PMPCB: variants seen among roughly 807,000 people sequenced by gnomAD.
PMPCB encodes the protein mitochondrial-processing peptidase subunit beta.
Under a neutral mutation model 61.5 loss-of-function variants are expected in PMPCB, and 46 were observed. The observed-to-expected ratio is 0.75, with a 90% confidence interval of 0.59 to 0.96. PMPCB has a LOEUF of 0.96. Among genes scored for constraint, PMPCB ranks in the 40% least tolerant of loss-of-function variants. PMPCB has a pLI of 0.00. For missense variants in PMPCB, 590 were observed against 602.4 expected (o/e 0.98, Z 0.22); for synonymous variants, 191 against 201.6 (o/e 0.95, Z 0.44).
chr7:103,312,801 A>G lies in PMPCB; in HGVS notation c.*530A>G. ...GCCTAGAAAGTTTCTAAGGTTGCTC[A>G]TTTCTTCCTCATAATATTGACCCCA... On this transcript the variant is annotated 3_prime_UTR_variant, in exon 13 of 13. Transcript: ENST00000249269. 9.9e-6 allele frequency: 15 copies of G among 1,512,054 alleles called. No individual in the cohort carries two copies. Among genetic ancestry groups the G allele is most frequent in the Non-Finnish European group, 1.2e-5 (14 of 1,138,132 alleles). 93.7% of individuals were successfully genotyped at this position (1,512,054 alleles called of 1,614,324 possible). A position where few individuals can be genotyped will look rare whatever the true frequency, so the allele number is the denominator to read the frequency against.
downstream of PMPCB, chr7:103,315,904 A>T: frequency 6.4e-7 from 1 of 1,554,732 alleles, no homozygotes; most frequent in Non-Finnish European, 8.8e-7. Context: ...TACTTAACAG[A>T]TCATCATTTA....
rs1017559937 is a variant in PMPCB, at chr7:103,311,310, A to C, written c.1155-333A>C. 13 of 259,742 alleles carry C rather than the reference A, an allele frequency of 5.0e-5. 1 individual carries two copies. The highest frequency in any genetic ancestry group is 8.7e-5 in the Non-Finnish European group (12 of 138,296). The allele number at this position is 259,742 out of a possible 1,614,324, so 16.1% of individuals were successfully genotyped here. ...GTTAGACTCTACTCATTGTTTTCAG[A>C]AACCAATGAATGACCCACTGACTTA... On this transcript the variant is annotated intron_variant, in intron 9 of 12. Coordinates refer to ENST00000249269, the MANE Select transcript of PMPCB (RefSeq NM_004279.3).
chr7:103,344,549 G>A, the PMPCB span: 2 of 1,613,680 alleles, frequency 1.2e-6, no homozygotes, highest in South Asian at 1.1e-5. Context: ...GAGGTTGGGT[G>A]GGCACTTACC....
intron 12 of PMPCB, among the ~76,000 whole-genome samples, chr7:103,328,525 G>A (rs1193463932): frequency 2.6e-5 from 4 of 151,992 alleles, no homozygotes; most frequent in Non-Finnish European, 4.4e-5. Flanking sequence ...CAGCTACTCA[G>A]GTGGCTCAGA....
chr7:103,344,660 A>C, the PMPCB span: 3 of 1,600,110 alleles, frequency 1.9e-6, no homozygotes, highest in East Asian at 6.7e-5. Flanking sequence ...GCAGCGGCTC[A>C]CGTCCCGGGC....
At chr7:103,340,628 C>T in the PMPCB span, among the ~76,000 whole-genome samples, 3 of 152,172 alleles carry the variant, frequency 2.0e-5, no homozygotes, top group Admixed American at 2.0e-4. Context: ...GGTCGAAGTG[C>T]ACCAAATGGC....
At chr7:103,337,369 A>T in the PMPCB span, 1 of 151,844 alleles carries the variant, frequency 6.6e-6, no homozygotes, top group Non-Finnish European at 1.4e-5. Context: ...AAAATAACGT[A>T]AAAAAAAAAC....
chr7:103,332,888 T>G (rs1266814970), downstream of PMPCB, among the ~76,000 whole-genome samples: 2 of 152,204 alleles, frequency 1.3e-5, no homozygotes, highest in African/African-American at 4.8e-5. Flanking sequence ...CCTTCTAAAG[T>G]GCTGGGATCA....
chr7:103,310,484 AAT>A lies in PMPCB; in HGVS notation c.1154+11_1154+12del. ...GTTGTTCAAAAAGAATGGTGAGAAA[AAT>A]AGCTTTAAGTAATTTAAATTTTGCC... is the stretch of plus-strand genomic sequence containing the variant. On this transcript the variant is annotated intron_variant, in intron 9 of 12. Transcript: ENST00000249269. The A allele has an allele frequency of 1.9e-6, 3 of 1,590,302 alleles. No individual in the cohort carries two copies. The highest frequency in any genetic ancestry group is 2.6e-6 in the Non-Finnish European group (3 of 1,169,700).
At chr7:103,337,577 G>T in the PMPCB span, 1 of 579,792 alleles carries the variant, frequency 1.7e-6, no homozygotes, top group African/African-American at 1.9e-5. Context: ...GATTCTGAAG[G>T]CAGGGGAGAC....
At chr7:103,304,557 G>C in intron 6 of PMPCB, 67 bp downstream of exon 6, 2 of 1,025,446 alleles carry the variant, frequency 2.0e-6, no homozygotes. Flanking sequence ...TTATTAGTTT[G>C]ATCCTGTTGG....
chr7:103,300,240 C>T lies in PMPCB; in HGVS notation c.390C>T (p.Leu130=). The part of the protein sequence containing the change: ...ELEIENMGAH[L]NAYTSREQTV... ...AGATTGAAAATATGGGTGCTCATCT[C>T]AATGCCTATACCTCCAGAGAGCAGA... The change falls in exon 4 of 13, where the codon CTC becomes CTT. Residue 130 remains leucine, a synonymous_variant. Transcript: ENST00000249269. The T allele has an allele frequency of 1.2e-6, 2 of 1,611,486 alleles. No individual in the cohort carries two copies. The highest frequency in any genetic ancestry group is 1.7e-6 in the Non-Finnish European group (2 of 1,177,676).
chr7:103,338,628 C>A, the PMPCB span, among the ~76,000 whole-genome samples: 234 of 152,080 alleles, frequency 1.5e-3, no homozygotes, highest in African/African-American at 5.3e-3. Flanking sequence ...AAAGAAGAGA[C>A]AGGCTGGGCA....
In PMPCB at chr7:103,312,208, T is replaced by G. The variant is rs773457761; in HGVS notation, c.1407T>G (p.Gly469=). ...YNRSPAIAAV[G]PIKQLPDFKQ... The stretch of plus-strand genomic sequence containing the variant: ...TTAACTCTTCTTTTTAATCCTTAGG[T>G]CCCATTAAGCAACTACCAGATTTTA... The change falls in exon 13 of 13, where the codon GGT becomes GGG. Residue 469 remains glycine (G), a splice_region_variant and synonymous_variant. Transcript: ENST00000249269. 1 of 1,613,732 alleles carries G rather than the reference T, an allele frequency of 6.2e-7. No homozygotes were observed. The highest frequency in any genetic ancestry group is 8.5e-7 in the Non-Finnish European group (1 of 1,179,918).
At chr7:103,316,071 T>C, downstream of PMPCB, 1 of 1,586,586 alleles carries the variant, frequency 6.3e-7, no homozygotes, top group South Asian at 1.1e-5. Flanking sequence ...GTTCATGTAA[T>C]TAGCAATAAC....
chr7:103,297,435 ATCC>A lies in PMPCB; in HGVS notation c.-22_-20del. ...TCGCGACCCCGGAAGCACATCCTTCATCCTCTACCTTCCTTCTAGCAGAAATGG... is the reference window on the plus strand; with the variant it reads ...TCGCGACCCCGGAAGCACATCCTTCATCTACCTTCCTTCTAGCAGAAATGG... On this transcript the variant is annotated 5_prime_UTR_variant, in exon 1 of 13. Coordinates refer to ENST00000249269, the MANE Select transcript of PMPCB (RefSeq NM_004279.3). 1.3e-6 allele frequency: 2 copies of A among 1,530,054 alleles called. No individual in the cohort carries two copies. Among genetic ancestry groups the A allele is most frequent in the Non-Finnish European group, 1.8e-6 (2 of 1,138,234 alleles). 94.8% of individuals were successfully genotyped at this position (1,530,054 alleles called of 1,614,324 possible).
downstream of PMPCB, chr7:103,316,725 T>A: frequency 1.0e-6 from 1 of 980,284 alleles, no homozygotes. Context: ...GCACAGAATT[T>A]ATCTCTGCAA....
At chr7:103,301,083 C>A (rs1817437962) in intron 4 of PMPCB, among the ~76,000 whole-genome samples, 1 of 152,178 alleles carries the variant, frequency 6.6e-6, no homozygotes, top group African/African-American at 2.4e-5. Context: ...GTTTAAATGG[C>A]ACTTAACACA....
chr7:103,304,844 A>G (rs760400619), intron 6 of PMPCB, among the ~76,000 whole-genome samples: 2 of 152,066 alleles, frequency 1.3e-5, no homozygotes, highest in Non-Finnish European at 2.9e-5. Flanking sequence ...CTGTAGTCCC[A>G]GCTACTCGGG....
Sources: allele counts gnomAD v4.1 joint callset (sites outside exome capture counted in the v4.1 genomes callset), GRCh38; gene constraint gnomAD v4.1.1; transcripts MANE v1.5; gene names NCBI Gene and HGNC (gene_info 2026-07-23, HGNC 2026-07-21).